PTPRD: variants seen among roughly 807,000 people sequenced by gnomAD.
The protein encoded by PTPRD is protein tyrosine phosphatase receptor type D, also known as receptor-type tyrosine-protein phosphatase delta.
Under a neutral mutation model 214.5 loss-of-function variants are expected in PTPRD, and 34 were observed. The observed-to-expected ratio is 0.16, with a 90% CI of 0.12 to 0.21. The LOEUF (loss-of-function observed/expected upper bound fraction) is 0.21. PTPRD is among the 10% of genes least tolerant of loss of function. The pLI, the probability that PTPRD is intolerant of heterozygous loss-of-function variation, is 1.00. For synonymous variants in PTPRD, 1,128 were observed against 845.7 expected (o/e 1.33, Z -5.79); for missense variants, 2,545 against 2,398.7 (o/e 1.06, Z -1.27).
intron 9 of PTPRD, among the ~76,000 whole-genome samples, chr9:9,229,052 G>T (rs972517646): frequency 1.3e-5 from 2 of 152,046 alleles, no homozygotes; most frequent in South Asian, 4.1e-4. Flanking sequence ...ATTAAGGCTA[G>T]AAGTGAAAAG....
chr9:9,463,711 G>A (rs1274096323), intron 8 of PTPRD, among the ~76,000 whole-genome samples: 1 of 151,902 alleles, frequency 6.6e-6, no homozygotes, highest in Non-Finnish European at 1.5e-5. Flanking sequence ...GAAATAGTGG[G>A]CATTGGGCTT....
At chr9:8,599,527 CA>C (rs1274505572) in intron 14 of PTPRD, among the ~76,000 whole-genome samples, 1 of 146,496 alleles carries the variant, frequency 6.8e-6, no homozygotes, top group Non-Finnish European at 1.5e-5. Context: ...TAGAAAGTTA[CA>C]AAACACAAAA....
At chr9:8,327,389 G>T (rs879075727) in intron 44 of PTPRD, among the ~76,000 whole-genome samples, 6 of 151,806 alleles carry the variant, frequency 4.0e-5, no homozygotes, top group Non-Finnish European at 7.4e-5. Context: ...TTGCACTGTG[G>T]TCTGAGAGAC....
At chr9:8,861,197 G>A (rs752927112) in intron 11 of PTPRD, 1 of 152,064 alleles carries the variant, frequency 6.6e-6, no homozygotes, top group African/African-American at 2.4e-5. Flanking sequence ...TTTATCATGA[G>A]GCATCCTAAC....
At chr9:9,205,599 CA>C in intron 9 of PTPRD, among the ~76,000 whole-genome samples, 1 of 152,246 alleles carries the variant, frequency 6.6e-6, no homozygotes, top group East Asian at 1.9e-4. Context: ...TGACATTGAG[CA>C]AAGTTTTCTT....
chr9:9,893,708 A>G (rs1181277666), intron 5 of PTPRD, among the ~76,000 whole-genome samples: 1 of 152,106 alleles, frequency 6.6e-6, no homozygotes, highest in Non-Finnish European at 1.5e-5. Flanking sequence ...GATCCTTCCC[A>G]ATGACTTTTA....
At chr9:9,886,612 T>C (rs2071025740) in intron 5 of PTPRD, among the ~76,000 whole-genome samples, 1 of 152,128 alleles carries the variant, frequency 6.6e-6, no homozygotes, top group Non-Finnish European at 1.5e-5. Context: ...GTTCTGTCAT[T>C]GAAAAGAGGT....
intron 8 of PTPRD, among the ~76,000 whole-genome samples, chr9:9,422,995 G>A (rs62532938): frequency 0.21 from 31,826 of 152,038 alleles, 3,473 homozygotes; most frequent in South Asian, 0.31. Flanking sequence ...CCCTCTTGGC[G>A]TATAACACAA....
chr9:8,693,935 T>C (rs889183679), intron 12 of PTPRD, among the ~76,000 whole-genome samples: 20 of 152,222 alleles, frequency 1.3e-4, no homozygotes, highest in African/African-American at 4.1e-4. Context: ...TGAGAAGCAC[T>C]GAAAGATGCA....
intron 10 of PTPRD, among the ~76,000 whole-genome samples, chr9:9,114,698 C>CA (rs1322700052): frequency 6.6e-6 from 1 of 151,984 alleles, no homozygotes; most frequent in Non-Finnish European, 1.5e-5. Context: ...TTACAAGCTC[C>CA]AAAAAATAAG....
At chr9:10,597,868 G>C (rs1311366727) in intron 2 of PTPRD, among the ~76,000 whole-genome samples, 1 of 151,770 alleles carries the variant, frequency 6.6e-6, no homozygotes, top group African/African-American at 2.4e-5. Context: ...GACTTCCATT[G>C]AACATTGAGT....
chr9:8,575,922 G>A (rs1377630728), intron 14 of PTPRD, among the ~76,000 whole-genome samples: 2 of 152,152 alleles, frequency 1.3e-5, no homozygotes, highest in East Asian at 3.9e-4. Flanking sequence ...CTCCATAATC[G>A]ACTCTGCTAT....
chr9:10,180,684 C>T (rs189513373), intron 3 of PTPRD, among the ~76,000 whole-genome samples: 1 of 149,412 alleles, frequency 6.7e-6, no homozygotes. Context: ...GATTAGCTTA[C>T]CAAATCAACA....
chr9:10,121,656 T>C (rs922708987), intron 3 of PTPRD, among the ~76,000 whole-genome samples: 1 of 152,202 alleles, frequency 6.6e-6, no homozygotes, highest in African/African-American at 2.4e-5. Flanking sequence ...AATCTTCCAT[T>C]TTCACTTATC....
chr9:8,591,528 C>G (rs1049082636), intron 14 of PTPRD, among the ~76,000 whole-genome samples: 3 of 151,912 alleles, frequency 2.0e-5, no homozygotes, highest in Admixed American at 6.6e-5. Context: ...TGATTGCAAT[C>G]AAAATCAAAC....
chr9:10,113,437 G>A (rs2098707144), intron 3 of PTPRD, among the ~76,000 whole-genome samples: 1 of 152,148 alleles, frequency 6.6e-6, no homozygotes, highest in African/African-American at 2.4e-5. Flanking sequence ...TAAAACTGCT[G>A]CTCAATAACT....
Position 8,566,706 on chromosome 9 carries a change from A to T in PTPRD, c.353-37927T>A, listed in dbSNP as rs369682358. On this transcript the variant is annotated intron_variant, in intron 14 of 45. Transcript: ENST00000381196. Reference sequence around the variant, plus strand: ...GTTAGACACTCATGATTATTTGCCAAATAAGAATGGAGTCAAATTCATATC... The same window carrying T: ...GTTAGACACTCATGATTATTTGCCATATAAGAATGGAGTCAAATTCATATC... Among the ~76,000 whole-genome samples the T allele has an allele frequency of 6.6e-4, 100 of 152,332 alleles. No individual in the cohort carries two copies. The South Asian group carries it at 0.02, about 31-fold the overall frequency.
chr9:9,672,051 G>C (rs899916211), intron 7 of PTPRD, among the ~76,000 whole-genome samples: 6 of 152,130 alleles, frequency 3.9e-5, no homozygotes, highest in Admixed American at 1.3e-4. Flanking sequence ...AACCTTTATA[G>C]TCACTGTATC....
rs115701967 is a variant in PTPRD, at chr9:8,760,062, C to G, written c.-103-26116G>C. 1.7e-3 allele frequency among the ~76,000 whole-genome samples: 263 copies of G among 152,264 alleles called. 1 individual carries two copies. Among genetic ancestry groups the G allele is most frequent in the African/African-American group, 5.9e-3 (247 of 41,538 alleles). On this transcript the variant is annotated intron_variant, in intron 11 of 45. Transcript: ENST00000381196. ...TGCTTGTAGCTGGAATCTAAGGTAG[C>G]TGGGATTACAGGCGTGCGCCACAAC...
Sources: gnomAD v4.1 joint callset for allele counts (sites outside exome capture counted in the v4.1 genomes callset) on GRCh38, gnomAD v4.1.1 for gene constraint, MANE v1.5 for transcripts, NCBI Gene and HGNC (gene_info 2026-07-23, HGNC 2026-07-21) for gene names.